The following INSYN2B variants were observed in gnomAD, a reference collection of about 807,000 sequenced individuals.
INSYN2B encodes the protein protein INSYN2B.
In INSYN2B, 16 loss-of-function variants were observed where a neutral mutation model predicts 41.2. That is an observed-to-expected ratio of 0.39 (90% confidence interval 0.26 to 0.59). The LOEUF is 0.59. INSYN2B is among the 20% of genes least tolerant of loss of function. The probability of loss-of-function intolerance (pLI) is 0.57; values close to 1 mark genes in which losing one functional copy is unlikely to be tolerated. For missense variants in INSYN2B, 608 were observed against 646.4 expected (o/e 0.94, Z 0.64); for synonymous variants, 245 against 244.4 (o/e 1.00, Z -0.02).
intron 1 of INSYN2B, among the ~76,000 whole-genome samples, chr5:169,906,160 G>A (rs929941064): frequency 1.3e-5 from 2 of 152,144 alleles, no homozygotes; most frequent in Non-Finnish European, 2.9e-5. Flanking sequence ...CTCAATGAGC[G>A]ATTACTACAT....
chr5:169,870,292 T>C (rs1771871049), intron 3 of INSYN2B, among the ~76,000 whole-genome samples: 1 of 152,180 alleles, frequency 6.6e-6, no homozygotes, highest in African/African-American at 2.4e-5. Context: ...GCCATCATGC[T>C]CGCTGAAAAG....
At chr5:169,867,313 G>T (rs771497948) in intron 3 of INSYN2B, among the ~76,000 whole-genome samples, 2 of 152,130 alleles carry the variant, frequency 1.3e-5, no homozygotes, top group Non-Finnish European at 2.9e-5. Flanking sequence ...GTTTCCTGAG[G>T]CCTGCTCCTG....
chr5:169,928,921 G>T (rs1369185443), intron 1 of INSYN2B, among the ~76,000 whole-genome samples: 1 of 152,184 alleles, frequency 6.6e-6, no homozygotes, highest in African/African-American at 2.4e-5. Flanking sequence ...GGAATAATTA[G>T]CAGATAACTG....
intron 1 of INSYN2B, among the ~76,000 whole-genome samples, chr5:169,919,736 C>G (rs537187852): frequency 6.6e-6 from 1 of 152,142 alleles, no homozygotes; most frequent in African/African-American, 2.4e-5. Flanking sequence ...TCTGAGTCCC[C>G]GCGAAACCTG....
At chr5:169,964,725 G>A (rs570003201) in intron 1 of INSYN2B, among the ~76,000 whole-genome samples, 2 of 152,232 alleles carry the variant, frequency 1.3e-5, no homozygotes, top group Non-Finnish European at 2.9e-5. Context: ...TTGGTGCCAT[G>A]TAGTAGCTGA....
chr5:169,950,199 C>A (rs771591626), intron 1 of INSYN2B, among the ~76,000 whole-genome samples: 3 of 152,156 alleles, frequency 2.0e-5, no homozygotes, highest in Non-Finnish European at 4.4e-5. Context: ...GTCACTGGAG[C>A]CAGCCTGTCA....
intron 1 of INSYN2B, among the ~76,000 whole-genome samples, chr5:169,965,692 A>T (rs1227963027): frequency 6.6e-6 from 1 of 152,136 alleles, no homozygotes; most frequent in Non-Finnish European, 1.5e-5. Context: ...ACAAGAAAGG[A>T]AAGGAGAAGA....
chr5:169,884,352 T>TA lies in INSYN2B; in HGVS notation c.-455dup, dbSNP rs1772847654. 1 of 153,746 alleles carries TA rather than the reference T, an allele frequency of 6.5e-6. No individual in the cohort carries two copies. The highest frequency in any genetic ancestry group is 2.4e-5 in the African/African-American group (1 of 41,526). The allele number at this position is 153,746 out of a possible 1,614,324, so 9.5% of individuals were successfully genotyped here. On this transcript the variant is annotated 5_prime_UTR_variant, in exon 2 of 4. It removes the in-frame stop codon of an upstream open reading frame in the 5' UTR. Transcript: ENST00000377365. ...AAAGAAACCTGCTACGTCTAGAACA[T>TA]ACAGCTTTTTGTTTCCCAGAGCATT...
chr5:169,865,473 GGGGCA>G (rs1388804450), intron 3 of INSYN2B, among the ~76,000 whole-genome samples: 1 of 152,154 alleles, frequency 6.6e-6, no homozygotes, highest in African/African-American at 2.4e-5. Flanking sequence ...CCAGAGAGCC[GGGGCA>G]GAAAAAACGA....
At chr5:169,936,739 T>C (rs1776019679) in intron 1 of INSYN2B, among the ~76,000 whole-genome samples, 1 of 152,076 alleles carries the variant, frequency 6.6e-6, no homozygotes, top group Non-Finnish European at 1.5e-5. Flanking sequence ...GCACCAACAC[T>C]GCACTGTCCT....
chr5:169,956,793 T>C (rs1776884185), intron 1 of INSYN2B, among the ~76,000 whole-genome samples: 1 of 152,174 alleles, frequency 6.6e-6, no homozygotes, highest in South Asian at 2.1e-4. Context: ...ATGTAATCTT[T>C]CTCAGAGGCA....
chr5:169,921,003 C>G (rs550652364), intron 1 of INSYN2B, among the ~76,000 whole-genome samples: 1 of 152,324 alleles, frequency 6.6e-6, no homozygotes, highest in Non-Finnish European at 1.5e-5. Context: ...GGGGCACTTT[C>G]CTAATTACCT....
At position 169,883,492 on chromosome 5, in the gene INSYN2B, C is replaced by T. The variant is rs1026814099; in HGVS notation, c.407G>A (p.Gly136Asp). 1 of 1,551,642 alleles carries T rather than the reference C, an allele frequency of 6.4e-7. No individual in the cohort carries two copies. ...TASQSAIQVNGNLSEQDIVSS... is the reference protein window; with the variant it reads ...TASQSAIQVNDNLSEQDIVSS... ...CACAATGTCCTGTTCAGAGAGGTTA[C>T]CGTTGACCTGGATGGCACTTTGGGA... Residue 136 changes from glycine to aspartate, a missense_variant, in exon 2 of 4, where the codon GGT becomes GAT. By Grantham distance (94) the Gly-to-Asp change is moderately conservative. Transcript: ENST00000377365.
At chr5:169,924,570 A>C (rs1775338094) in intron 1 of INSYN2B, among the ~76,000 whole-genome samples, 1 of 152,108 alleles carries the variant, frequency 6.6e-6, no homozygotes, top group Non-Finnish European at 1.5e-5. Flanking sequence ...CTCACTGAAC[A>C]CCCATCTCAT....
chr5:169,907,040 A>G (rs1774321382), intron 1 of INSYN2B, among the ~76,000 whole-genome samples: 1 of 152,166 alleles, frequency 6.6e-6, no homozygotes, highest in East Asian at 1.9e-4. Context: ...CACTGAGCTT[A>G]TGGTCTGTCA....
Position 169,861,934 on chromosome 5 carries a change from TTTTC to T in INSYN2B, c.*2335_*2338del, listed in dbSNP as rs1223066625. On this transcript the variant is annotated 3_prime_UTR_variant, in exon 4 of 4. Transcript: ENST00000377365. ...TTATTTATTTTTTTCTTTTCTTTTC[TTTTC>T]TTTTTTTTTTGTTGGGGAAGTGCAG... 4.2e-4 allele frequency among the ~76,000 whole-genome samples: 54 copies of T among 128,044 alleles called. No individual in the cohort carries two copies. The highest frequency in any genetic ancestry group is 6.6e-4 in the African/African-American group (26 of 39,216). 84.0% of individuals were successfully genotyped at this position (128,044 alleles called of 152,430 possible).
chr5:169,871,414 T>TGAAAG (rs1771962053), intron 3 of INSYN2B, among the ~76,000 whole-genome samples: 4 of 152,326 alleles, frequency 2.6e-5, no homozygotes, highest in Non-Finnish European at 5.9e-5. Context: ...ATGATGGTCA[T>TGAAAG]TTATGGAATG....
chr5:169,943,352 A>G (rs1022722726), intron 1 of INSYN2B, among the ~76,000 whole-genome samples: 3 of 152,128 alleles, frequency 2.0e-5, no homozygotes, highest in African/African-American at 7.2e-5. Flanking sequence ...GGCCCTGTGG[A>G]CAGGCAATAC....
chr5:169,912,155 ATT>A (rs894461723), intron 1 of INSYN2B, among the ~76,000 whole-genome samples: 10 of 151,864 alleles, frequency 6.6e-5, no homozygotes, highest in African/African-American at 2.4e-4. Context: ...AGCGACTATT[ATT>A]TTTTCTTCTC....
Sources: gnomAD v4.1 joint callset for allele counts (sites outside exome capture counted in the v4.1 genomes callset) on GRCh38, gnomAD v4.1.1 for gene constraint, MANE v1.5 for transcripts, NCBI Gene and HGNC (gene_info 2026-07-23, HGNC 2026-07-21) for gene names.